The following ERC1 variants were observed in gnomAD, a reference collection of about 807,000 sequenced individuals.
The protein encoded by ERC1 is RAB6 interacting protein 2.
A neutral mutation model predicts 132.0 loss-of-function variants in ERC1; 56 were observed. The ratio of observed to expected loss-of-function variants is 0.42; its 90% CI spans 0.34 to 0.53. ERC1 has a LOEUF of 0.53. Among genes scored for constraint, ERC1 ranks in the 20% least tolerant of loss-of-function variants. ERC1 has a pLI of 0.03. For synonymous variants in ERC1, 478 were observed against 476.1 expected, an observed-to-expected ratio of 1.00 and a Z score of -0.05; for missense variants, 1,202 against 1,349.9, an observed-to-expected ratio of 0.89 and a Z score of 1.72.
intron 8 of ERC1, among the ~76,000 whole-genome samples, chr12:1,167,745 C>A (rs1053225042): frequency 1.4e-5 from 2 of 143,222 alleles, no homozygotes; most frequent in Non-Finnish European, 3.0e-5. Flanking sequence ...GAGATGGAGT[C>A]TCGCTCTGTT....
At chr12:1,077,375 A>G (rs1941516652) in intron 2 of ERC1, among the ~76,000 whole-genome samples, 1 of 152,216 alleles carries the variant, frequency 6.6e-6, no homozygotes, top group African/African-American at 2.4e-5. Context: ...ATATTTATCT[A>G]AAATATATGA....
intron 16 of ERC1, among the ~76,000 whole-genome samples, chr12:1,404,070 A>G (rs1041318422): frequency 6.6e-6 from 1 of 152,252 alleles, no homozygotes; most frequent in African/African-American, 2.4e-5. Context: ...TCAGACTGCT[A>G]TAACAAAATA....
At chr12:1,221,712 G>A (rs1205759055) in intron 12 of ERC1, among the ~76,000 whole-genome samples, 2 of 151,976 alleles carry the variant, frequency 1.3e-5, no homozygotes, top group African/African-American at 2.4e-5. Context: ...TAGTTTTTTG[G>A]TTACTCTTTG....
chr12:1,331,750 C>T (rs183801358), intron 15 of ERC1, among the ~76,000 whole-genome samples: 29 of 152,244 alleles, frequency 1.9e-4, no homozygotes, highest in Admixed American at 1.6e-3. Context: ...TCTAGCTCCC[C>T]GAGGCTGCTT....
At chr12:1,453,999 G>T (rs2093477723) in intron 18 of ERC1, among the ~76,000 whole-genome samples, 1 of 151,952 alleles carries the variant, frequency 6.6e-6, no homozygotes, top group Admixed American at 6.6e-5. Flanking sequence ...ATGGAGACTG[G>T]TTACCAAGGG....
chr12:1,445,429 C>T (rs2093278802), intron 18 of ERC1, among the ~76,000 whole-genome samples: 1 of 151,912 alleles, frequency 6.6e-6, no homozygotes, highest in Non-Finnish European at 1.5e-5. Flanking sequence ...TGGGGTTTCA[C>T]CAAGCTGGCG....
At chr12:1,273,620 T>G (rs2078034487) in intron 14 of ERC1, among the ~76,000 whole-genome samples, 1 of 152,222 alleles carries the variant, frequency 6.6e-6, no homozygotes, top group African/African-American at 2.4e-5. Flanking sequence ...CTAGAGCACC[T>G]GAAAAACTGA....
At chr12:1,116,297 G>A (rs1403128993) in intron 7 of ERC1, 3 of 282,508 alleles carry the variant, frequency 1.1e-5, no homozygotes, top group Non-Finnish European at 2.0e-5. Context: ...TACTCTGACA[G>A]TATTAAAAAT....
intron 13 of ERC1, 84 bp downstream of exon 13, chr12:1,236,988 C>T (rs2075460141): frequency 6.6e-7 from 1 of 1,509,448 alleles, no homozygotes; most frequent in Non-Finnish European, 9.1e-7. Flanking sequence ...CATCTTTATC[C>T]TCCTCTTTTT....
intron 16 of ERC1, among the ~76,000 whole-genome samples, chr12:1,393,545 A>G (rs1463384683): frequency 6.6e-6 from 1 of 151,800 alleles, no homozygotes; most frequent in Non-Finnish European, 1.5e-5. Context: ...TTTAAATATC[A>G]AAAAGAACTT....
Position 1,490,945 on chromosome 12 carries a change from G to A in ERC1, c.*715G>A, listed in dbSNP as rs961396096. The A allele has an allele frequency of 3.4e-4, 78 of 232,656 alleles. 2 individuals are homozygous for A. Among genetic ancestry groups the A allele is most frequent in the Non-Finnish European group, 1.0e-4 (12 of 117,780 alleles). The allele number at this position is 232,656 out of a possible 1,614,324, so 14.4% of individuals were successfully genotyped here. ...AGTTAACAAGAAGATGGTGTGAGGT[G>A]TTCTCCACCAGTCTCTCCTGTTTGA... On this transcript the variant is annotated 3_prime_UTR_variant, in exon 19 of 19. Transcript: ENST00000360905.
chr12:1,467,853 C>T (rs763796183), intron 18 of ERC1, among the ~76,000 whole-genome samples: 2 of 152,168 alleles, frequency 1.3e-5, no homozygotes, highest in Non-Finnish European at 2.9e-5. Flanking sequence ...AGATCCCTCG[C>T]GTGCGTGGTT....
chr12:1,196,828 C>CTG (rs1218086748), intron 12 of ERC1, among the ~76,000 whole-genome samples: 1 of 117,830 alleles, frequency 8.5e-6, no homozygotes, highest in East Asian at 2.0e-4. Flanking sequence ...CTCTCTCTCT[C>CTG]TCTGTCTGTC....
At chr12:1,290,429 A>T (rs2079362552) in intron 15 of ERC1, among the ~76,000 whole-genome samples, 1 of 152,122 alleles carries the variant, frequency 6.6e-6, no homozygotes, top group Non-Finnish European at 1.5e-5. Context: ...ACCCCCATAT[A>T]CCTGTCTCCA....
At chr12:1,145,525 TTGTC>T (rs1233612395) in intron 8 of ERC1, among the ~76,000 whole-genome samples, 1 of 152,230 alleles carries the variant, frequency 6.6e-6, no homozygotes, top group African/African-American at 2.4e-5. Context: ...ATTCTGTAGG[TTGTC>T]TGTTTACTCT....
At chr12:999,190 C>G (rs1305379411) in intron 1 of ERC1, among the ~76,000 whole-genome samples, 2 of 152,092 alleles carry the variant, frequency 1.3e-5, no homozygotes, top group South Asian at 2.1e-4. Flanking sequence ...TTTCTGTGCT[C>G]ATTTATTAAA....
Position 1,444,747 on chromosome 12 carries a change from G to A in ERC1, c.3210G>A (p.Gly1070=), listed in dbSNP as rs1456293554. The part of the protein sequence containing the change: ...WENELQKMTR[G]QLQDELEKGE... ...ATGAGCTGCAGAAGATGACCCGGGG[G>A]CAGGTGAGCCTCTCACTCAAACTTT... The change falls in exon 18 of 19, where the codon GGG becomes GGA. Residue 1070 remains glycine, a synonymous_variant. Coordinates refer to ENST00000360905, the MANE Select transcript of ERC1 (RefSeq NM_178040.4). 6 of 1,613,314 alleles carry A rather than the reference G, an allele frequency of 3.7e-6. No homozygotes were observed. The highest frequency in any genetic ancestry group is 1.7e-4 in the Middle Eastern group (1 of 6,048).
At chr12:1,080,167 C>CT in intron 2 of ERC1, among the ~76,000 whole-genome samples, 1 of 152,202 alleles carries the variant, frequency 6.6e-6, no homozygotes, top group Non-Finnish European at 1.5e-5. Context: ...AATTTACCAT[C>CT]TTAACCATTT....
chr12:1,359,909 T>C (rs1400334248), intron 15 of ERC1, among the ~76,000 whole-genome samples: 2 of 152,082 alleles, frequency 1.3e-5, no homozygotes, highest in Non-Finnish European at 2.9e-5. Flanking sequence ...ATACATTTTA[T>C]ATACAATTTG....
Sources: allele counts gnomAD v4.1 joint callset (sites outside exome capture counted in the v4.1 genomes callset), GRCh38; gene constraint gnomAD v4.1.1; transcripts MANE v1.5; gene names NCBI Gene and HGNC (gene_info 2026-07-23, HGNC 2026-07-21).